Variants in SP110 observed in about 807,000 individuals in gnomAD.
SP110 encodes the protein SP110 nuclear body protein.
SP110 carries 62 observed loss-of-function variants against 92.7 expected under a neutral mutation model. The ratio of observed to expected loss-of-function variants is 0.67; its 90% confidence interval spans 0.55 to 0.83. The LOEUF (loss-of-function observed/expected upper bound fraction) is 0.83, where lower values mean the gene tolerates loss of function less well. Among genes scored for constraint, SP110 ranks in the 40% least tolerant of loss-of-function variants. The pLI is 0.00. For missense variants in SP110, 793 were observed against 863.9 expected, an observed-to-expected ratio of 0.92 and a Z score of 1.03; for synonymous variants, 273 against 305.3, an observed-to-expected ratio of 0.89 and a Z score of 1.10.
At chr2:230,184,564 A>G (rs2042269620) in intron 11 of SP110, among the ~76,000 whole-genome samples, 1 of 152,226 alleles carries the variant, frequency 6.6e-6, no homozygotes, top group South Asian at 2.1e-4. Flanking sequence ...CATAAACCAT[A>G]CTGCTAAAGG....
rs201494565 is a variant in SP110 at position 230,186,019 on chromosome 2, T to C, written c.1254A>G (p.Lys418=). Residue 418 remains lysine, a synonymous_variant, in exon 11 of 19, where the codon AAA becomes AAG. Transcript: ENST00000258381. ...VMMRVQKART[K]CARKSRLKEK... Reference sequence around the variant, plus strand: ...CTTTCAATCTGGACTTTCGGGCACATTTAGTTCTTGCCTTTTGGACCCTCA... The same window carrying C: ...CTTTCAATCTGGACTTTCGGGCACACTTAGTTCTTGCCTTTTGGACCCTCA... 3.7e-5 allele frequency: 60 copies of C among 1,614,094 alleles called. No individual in the cohort carries two copies. The highest frequency in any genetic ancestry group is 4.9e-5 in the Non-Finnish European group (58 of 1,179,950).
At chr2:230,190,378 C>G (rs993244612) in intron 10 of SP110, among the ~76,000 whole-genome samples, 1 of 151,020 alleles carries the variant, frequency 6.6e-6, no homozygotes, top group African/African-American at 2.4e-5. Context: ...CTGTTCATAT[C>G]CTTTGCCCAT....
chr2:230,196,878 T>A (rs1192541693), intron 10 of SP110, among the ~76,000 whole-genome samples: 1 of 152,212 alleles, frequency 6.6e-6, no homozygotes, highest in Non-Finnish European at 1.5e-5. Flanking sequence ...GAACTCATCA[T>A]TTTTTATGGC....
chr2:230,212,285 G>T, intron 5 of SP110, 62 bp downstream of exon 5: 1 of 1,235,302 alleles, frequency 8.1e-7, no homozygotes, highest in Non-Finnish European at 1.2e-6. Context: ...TTGGTTGGCA[G>T]ACGCATGTTC....
At chr2:230,207,391 T>A (rs1053818154) in intron 8 of SP110, among the ~76,000 whole-genome samples, 2 of 152,196 alleles carry the variant, frequency 1.3e-5, no homozygotes, top group African/African-American at 4.8e-5. Context: ...AGATACCTTG[T>A]GTTCCTGCAG....
chr2:230,207,658 T>G (rs2148894654), intron 8 of SP110, among the ~76,000 whole-genome samples: 1 of 152,304 alleles, frequency 6.6e-6, no homozygotes, highest in African/African-American at 2.4e-5. Flanking sequence ...CATCTGTAGC[T>G]AATAATATGT....
At chr2:230,192,831 A>G (rs1415689076) in intron 10 of SP110, among the ~76,000 whole-genome samples, 1 of 152,222 alleles carries the variant, frequency 6.6e-6, no homozygotes, top group East Asian at 1.9e-4. Flanking sequence ...TGCTGATGAG[A>G]AGAATGTAAT....
chr2:230,206,602 TA>T (rs2043861056), intron 8 of SP110, among the ~76,000 whole-genome samples: 2 of 39,698 alleles, frequency 5.0e-5, no homozygotes, highest in Admixed American at 2.5e-4. Context: ...ATTTTATATA[TA>T]TATATATATA....
chr2:230,178,298 T>C, intron 12 of SP110, 43 bp from the exon 13 acceptor site: 1 of 1,133,768 alleles, frequency 8.8e-7, no homozygotes, highest in Non-Finnish European at 1.3e-6. Context: ...CAGTCTTCAC[T>C]CCATCTTCCT....
chr2:230,211,344 T>C lies in SP110; in HGVS notation c.751+126A>G. On this transcript the variant is annotated intron_variant, in intron 6 of 18. Coordinates refer to ENST00000258381, the MANE Select transcript of SP110 (RefSeq NM_080424.4). This position sits in a 1 kb window ranked among gnomAD's most constrained non-coding sequence, Gnocchi z 4.2. ...TCAAGCTCCCAAGTGCTGGGTGAAC[T>C]GGAAGCTGGGCCAAGATTGCTGAGA... 1.4e-6 allele frequency: 1 copy of C among 738,014 alleles called. No individual in the cohort carries two copies. 45.7% of individuals were successfully genotyped at this position (738,014 alleles called of 1,614,324 possible).
intron 2 of SP110, among the ~76,000 whole-genome samples, chr2:230,215,803 TAAACAC>T (rs892653286): frequency 2.6e-5 from 4 of 152,216 alleles, no homozygotes; most frequent in African/African-American, 4.8e-5. Flanking sequence ...TGAGCATTAA[TAAACAC>T]AAATAAATAC....
chr2:230,219,704 T>G (rs1423218003), intron 1 of SP110, 170 bp downstream of exon 1: 1 of 155,982 alleles, frequency 6.4e-6, no homozygotes, highest in Non-Finnish European at 1.4e-5. Context: ...CAGTGTTCCC[T>G]CCATGTGCCC....
At chr2:230,225,122 C>G (rs1180563481) in intron 1 of SP110, among the ~76,000 whole-genome samples, 3 of 152,232 alleles carry the variant, frequency 2.0e-5, no homozygotes, top group Non-Finnish European at 4.4e-5. Flanking sequence ...TCACTCTCCT[C>G]AAGATTTCAG....
chr2:230,197,185 C>T (rs1025638493), intron 10 of SP110, among the ~76,000 whole-genome samples: 1 of 151,832 alleles, frequency 6.6e-6, no homozygotes, highest in African/African-American at 2.4e-5. Flanking sequence ...CCTATTTCTC[C>T]ACATCCTCTC....
chr2:230,201,838 T>C (rs186574445), intron 9 of SP110, among the ~76,000 whole-genome samples: 3 of 152,352 alleles, frequency 2.0e-5, no homozygotes, highest in African/African-American at 7.2e-5. Context: ...GGTTTCAAAT[T>C]TTACATTACA....
chr2:230,221,534 T>C (rs1373807998), upstream of SP110, among the ~76,000 whole-genome samples: 1 of 152,108 alleles, frequency 6.6e-6, no homozygotes, highest in African/African-American at 2.4e-5. Flanking sequence ...GGGTAATGGC[T>C]GTGGGTGAAA....
chr2:230,225,360 C>G (rs2046196485), intron 1 of SP110, among the ~76,000 whole-genome samples: 1 of 152,194 alleles, frequency 6.6e-6, no homozygotes, highest in African/African-American at 2.4e-5. Flanking sequence ...CTCCCTGGCC[C>G]CATGTCCAAA....
chr2:230,216,847 T>TA lies in SP110; in HGVS notation c.80dup (p.His28ThrfsTer8). On this transcript the variant is annotated frameshift_variant, in exon 2 of 19. Coordinates refer to ENST00000258381, the MANE Select transcript of SP110 (RefSeq NM_080424.4). LOFTEE classifies it high-confidence loss of function. Reference sequence around the variant, plus strand: ...CTTCAAAGAAGGGAAATGGCTTGTGTATGGCATAGGCGATCCCCAGCTTCT... The same window carrying TA: ...CTTCAAAGAAGGGAAATGGCTTGTGTAATGGCATAGGCGATCCCCAGCTTCT... The TA allele has an allele frequency of 6.2e-7, 1 of 1,614,108 alleles. No individual in the cohort carries two copies. Among genetic ancestry groups the TA allele is most frequent in the Non-Finnish European group, 8.5e-7 (1 of 1,179,978 alleles).
chr2:230,169,082 T>C lies in SP110; in HGVS notation c.*42A>G. On this transcript the variant is annotated 3_prime_UTR_variant, in exon 19 of 19. Coordinates refer to ENST00000258381, the MANE Select transcript of SP110 (RefSeq NM_080424.4). ...CAGTCCAAGCCAGGGTCCCATCAGCTGAATCCTGAGGTGGGGATGCTTCAG... is the reference window on the plus strand; with the variant it reads ...CAGTCCAAGCCAGGGTCCCATCAGCCGAATCCTGAGGTGGGGATGCTTCAG... 7.5e-7 allele frequency: 1 copy of C among 1,325,518 alleles called. No individual in the cohort carries two copies. Among genetic ancestry groups the C allele is most frequent in the Non-Finnish European group, 1.1e-6 (1 of 917,074 alleles). 82.1% of individuals were successfully genotyped at this position (1,325,518 alleles called of 1,614,324 possible).
Sources: allele counts gnomAD v4.1 joint callset (sites outside exome capture counted in the v4.1 genomes callset), GRCh38; gene constraint gnomAD v4.1.1; non-coding constraint Gnocchi (gnomAD v3.1); transcripts MANE v1.5; gene names NCBI Gene and HGNC (gene_info 2026-07-23, HGNC 2026-07-21).